Variants in ZDHHC15 observed in about 807,000 individuals in gnomAD.
ZDHHC15 encodes the protein palmitoyltransferase ZDHHC15.
Under a neutral mutation model 31.7 loss-of-function variants are expected in ZDHHC15, and 19 were observed. The observed-to-expected ratio is 0.60, with a 90% CI of 0.42 to 0.88. The LOEUF is 0.88. ZDHHC15 is among the 40% of genes least tolerant of loss of function. ZDHHC15 has a pLI of 0.00. For missense variants in ZDHHC15, 209 were observed against 251.2 expected, an observed-to-expected ratio of 0.83 and a Z score of 1.14; for synonymous variants, 103 against 90.0, an observed-to-expected ratio of 1.14 and a Z score of -0.82.
At chrX:75,440,428 C>T (rs998674831) in intron 4 of ZDHHC15, among the ~76,000 whole-genome samples, 1 of 111,092 alleles carries the variant, frequency 9.0e-6, no homozygotes, top group African/African-American at 3.3e-5. Context: ...TACAGGCGCC[C>T]ACCACCATGC....
chrX:75,461,868 T>C (rs1271981915), intron 3 of ZDHHC15, among the ~76,000 whole-genome samples: 1 of 110,482 alleles, frequency 9.1e-6, no homozygotes, highest in Non-Finnish European at 1.9e-5. Context: ...AATGACCACA[T>C]AAACAAGTCT....
intron 4 of ZDHHC15, among the ~76,000 whole-genome samples, chrX:75,447,399 T>C (rs2084049096): frequency 8.9e-6 from 1 of 112,437 alleles, no homozygotes; most frequent in South Asian, 3.7e-4. Flanking sequence ...CAGCATTACA[T>C]CTGATCAAGG....
intron 4 of ZDHHC15, among the ~76,000 whole-genome samples, chrX:75,437,369 C>T (rs1220774066): frequency 1.0e-5 from 1 of 96,584 alleles, no homozygotes; most frequent in Non-Finnish European, 2.1e-5. Flanking sequence ...ATGTGCCATG[C>T]TGGTGTGCTG....
chrX:75,450,102 C>G (rs2084094988), intron 4 of ZDHHC15, among the ~76,000 whole-genome samples: 1 of 111,731 alleles, frequency 9.0e-6, no homozygotes, highest in African/African-American at 3.2e-5. Context: ...TATAATGCTA[C>G]ACAGCAATAA....
intron 10 of ZDHHC15, among the ~76,000 whole-genome samples, chrX:75,400,441 A>T (rs2083344264): frequency 8.9e-6 from 1 of 112,092 alleles, no homozygotes; most frequent in South Asian, 3.7e-4. Context: ...AAAAAAGAAT[A>T]CAGGGAAATG....
rs188731106 is a variant in ZDHHC15, at chrX:75,430,615, G to A, written c.450-635C>T. 3.3e-3 allele frequency among the ~76,000 whole-genome samples: 361 copies of A among 109,594 alleles called. 1 individual carries two copies. The highest frequency in any genetic ancestry group is 0.011 in the African/African-American group (342 of 30,156). The stretch of plus-strand genomic sequence containing the variant: ...AGATACTCCACCTTCAAGGATGGAG[G>A]GCATAACTTTCCATTCCTTTAGTGT... On this transcript the variant is annotated intron_variant, in intron 5 of 11. Transcript: ENST00000373367.
chrX:75,429,901 G>T lies in ZDHHC15; in HGVS notation c.482+47C>A, dbSNP rs1665474826. On this transcript the variant is annotated intron_variant, in intron 6 of 11. Coordinates refer to ENST00000373367, the MANE Select transcript of ZDHHC15 (RefSeq NM_144969.3). ...TGCTTAGAAAAGTGCATATAATTGA[G>T]CAACTTTGACCCCTTTAGAGGAGAG... The T allele has an allele frequency of 6.8e-6, 8 of 1,168,946 alleles. No homozygotes were observed. In the South Asian group the frequency reaches 1.5e-4, roughly 22 times the overall value.
At chrX:75,435,611 G>C (rs758887429) in intron 4 of ZDHHC15, among the ~76,000 whole-genome samples, 1 of 112,059 alleles carries the variant, frequency 8.9e-6, no homozygotes, top group South Asian at 3.7e-4. Flanking sequence ...TGTGATTTTT[G>C]TTTTTACTTA....
chrX:75,399,510 C>G (rs1173748096), intron 10 of ZDHHC15, among the ~76,000 whole-genome samples: 3 of 111,781 alleles, frequency 2.7e-5, no homozygotes, highest in Non-Finnish European at 3.8e-5. Context: ...GCTGACTGCA[C>G]TGAGCAATTG....
At chrX:75,379,025 C>T (rs769757206) in intron 11 of ZDHHC15, 95 bp downstream of exon 11, 2 of 643,884 alleles carry the variant, frequency 3.1e-6, no homozygotes, top group African/African-American at 2.2e-5. Context: ...TCTTTTTCAC[C>T]CAGGATAAGA....
chrX:75,459,005 A>AC lies in ZDHHC15; in HGVS notation c.259-8084_259-8083insG, dbSNP rs1267039571. Among the ~76,000 whole-genome samples the AC allele has an allele frequency of 6.4e-3, 620 of 97,040 alleles. 1 individual carries two copies. Among genetic ancestry groups the AC allele is most frequent in the Non-Finnish European group, 0.01 (473 of 46,506 alleles). 84.3% of individuals were successfully genotyped at this position (97,040 alleles called of 115,157 possible). A position where few individuals can be genotyped will look rare whatever the true frequency, so the allele number is the denominator to read the frequency against. ...TGGCACAGAGACAAAAAAAAAAAAA[A>AC]AAAAAACAACCCCCAGCCAAGGGAA... is the stretch of plus-strand genomic sequence containing the variant. On this transcript the variant is annotated intron_variant, in intron 3 of 11. Coordinates refer to ENST00000373367, the MANE Select transcript of ZDHHC15 (RefSeq NM_144969.3).
At chrX:75,479,886 A>C (rs949858399) in intron 2 of ZDHHC15, among the ~76,000 whole-genome samples, 3 of 111,808 alleles carry the variant, frequency 2.7e-5, no homozygotes, top group African/African-American at 9.8e-5. Context: ...AAGATTATAT[A>C]CTTTTGAAGT....
At chrX:75,493,569 A>G (rs1424466954) in intron 2 of ZDHHC15, among the ~76,000 whole-genome samples, 5 of 111,909 alleles carry the variant, frequency 4.5e-5, no homozygotes, top group Non-Finnish European at 9.4e-5. Context: ...CAGCACATCA[A>G]AAAGCTTATC....
At chrX:75,510,045 G>C (rs1326446804) in intron 1 of ZDHHC15, among the ~76,000 whole-genome samples, 1 of 111,644 alleles carries the variant, frequency 9.0e-6, no homozygotes, top group Non-Finnish European at 1.9e-5. Context: ...ACACATTTCT[G>C]AGTGTTTTCT....
rs545972427 is a variant in ZDHHC15 at position 75,425,477 on chromosome X, C to T, written c.604-693G>A. The stretch of plus-strand genomic sequence containing the variant: ...CTAGGACATCTTATTTTCCATGTGG[C>T]ACCAGCCTTTTTTTCCGACATGCAG... On this transcript the variant is annotated intron_variant, in intron 7 of 11. Transcript: ENST00000373367. Among the ~76,000 whole-genome samples, 6 of 112,129 alleles carry T rather than the reference C, an allele frequency of 5.4e-5. No homozygotes were observed. The East Asian group carries it at 1.1e-3, about 21-fold the overall frequency.
At chrX:75,447,733 G>T (rs761038682) in intron 4 of ZDHHC15, among the ~76,000 whole-genome samples, 61 of 110,487 alleles carry the variant, frequency 5.5e-4, no homozygotes, top group African/African-American at 1.8e-3. Context: ...TTTTCTTCCT[G>T]TTCCTGCAAT....
intron 1 of ZDHHC15, among the ~76,000 whole-genome samples, chrX:75,515,458 T>G (rs1350464320): frequency 1.8e-5 from 2 of 111,387 alleles, no homozygotes; most frequent in African/African-American, 3.3e-5. Flanking sequence ...TAGTCCATCA[T>G]ATAAACAGAA....
At chrX:75,405,840 T>G (rs141347605) in intron 10 of ZDHHC15, among the ~76,000 whole-genome samples, 1,984 of 112,145 alleles carry the variant, frequency 0.018, 47 homozygotes, top group African/African-American at 0.061. Flanking sequence ...ATGGAACATT[T>G]CACACAATTG....
intron 3 of ZDHHC15, among the ~76,000 whole-genome samples, chrX:75,451,341 GT>G (rs2084114299): frequency 1.8e-5 from 2 of 112,161 alleles, no homozygotes; most frequent in South Asian, 7.4e-4. Flanking sequence ...AGTTGCAAGA[GT>G]TTTCACAGGT....
Sources: allele counts gnomAD v4.1 joint callset (sites outside exome capture counted in the v4.1 genomes callset), GRCh38; gene constraint gnomAD v4.1.1; transcripts MANE v1.5; gene names NCBI Gene and HGNC (gene_info 2026-07-23, HGNC 2026-07-21).